Variants in HIP1R observed in about 807,000 individuals in gnomAD.
The protein encoded by HIP1R is huntingtin-interacting protein 1-related protein.
Under a neutral mutation model 144.2 loss-of-function variants are expected in HIP1R, and 135 were observed. That is an observed-to-expected ratio of 0.94 (90% CI 0.81 to 1.08). HIP1R has a LOEUF of 1.08. Among genes scored for constraint, HIP1R ranks in the 50% least tolerant of loss-of-function variants. The pLI is 0.00. For synonymous variants in HIP1R, 698 were observed against 612.8 expected (o/e 1.14, Z -2.05); for missense variants, 1,462 against 1,432.8 (o/e 1.02, Z -0.33).
chr12:122,850,787 T>TG (rs752289203), intron 5 of HIP1R, 48 bp from the exon 6 acceptor site: 32 of 1,018,634 alleles, frequency 3.1e-5, no homozygotes, highest in Admixed American at 1.0e-4. Context: ...CCGCCAGGTG[T>TG]GGGGGGGCCC....
At chr12:122,857,348 G>C (rs1263875015) in intron 18 of HIP1R, 133 bp downstream of exon 18, 1 of 860,872 alleles carries the variant, frequency 1.2e-6, no homozygotes, top group Non-Finnish European at 1.9e-6. Context: ...TTTTGTGTCC[G>C]GCTTCTTCAC....
At chr12:122,848,344 C>A in intron 2 of HIP1R, 122 bp from the exon 3 acceptor site, 1 of 1,259,014 alleles carries the variant, frequency 7.9e-7, no homozygotes, top group Non-Finnish European at 1.1e-6. Context: ...TCTGGTGACC[C>A]GGGGTTGATG....
In HIP1R at chr12:122,848,789, G is replaced by T. The variant is rs748006593; in HGVS notation, c.301-7G>T. On this transcript the variant is annotated splice_region_variant and splice_polypyrimidine_tract_variant and intron_variant, in intron 3 of 31. Transcript: ENST00000253083. ...ACTCCCCCACTCCCGTATTCCCTGCGCTGCAGGTGCTGCATGACTGCCAGC... is the reference window on the plus strand; with the variant it reads ...ACTCCCCCACTCCCGTATTCCCTGCTCTGCAGGTGCTGCATGACTGCCAGC... 1.2e-6 allele frequency: 2 copies of T among 1,613,048 alleles called. No homozygotes were observed. Among genetic ancestry groups the T allele is most frequent in the Non-Finnish European group, 1.7e-6 (2 of 1,179,976 alleles).
chr12:122,851,524 CCT>C (rs1566107263), intron 7 of HIP1R, among the ~76,000 whole-genome samples: 1 of 151,854 alleles, frequency 6.6e-6, no homozygotes, highest in Admixed American at 6.6e-5. Context: ...ATGGTGAAAC[CCT>C]GTCTCTACTA....
At chr12:122,846,969 G>A (rs1045890357) in intron 1 of HIP1R, among the ~76,000 whole-genome samples, 6 of 152,372 alleles carry the variant, frequency 3.9e-5, no homozygotes, top group Non-Finnish European at 8.8e-5. Context: ...TGTCCTGCAA[G>A]CCGGCTCCCT....
rs1375045500 is a variant in HIP1R at position 122,855,984 on chromosome 12, A to G, written c.1133A>G (p.Gln378Arg). The change falls in exon 14 of 32, where the codon CAG (glutamine) becomes CGG (arginine). Residue 378 changes from glutamine (Q) to arginine (R), a missense_variant. By Grantham distance (43) the Gln-to-Arg change is conservative. Coordinates refer to ENST00000253083, the MANE Select transcript of HIP1R (RefSeq NM_003959.3). ...SELEKIKLEA[Q>R]RYIAQLKSQV... ...ACGTCACACCTCCTCCCGCAGGCCCAGCGGTACATCGCGCAGCTGAAGAGC... is the reference window on the plus strand; with the variant it reads ...ACGTCACACCTCCTCCCGCAGGCCCGGCGGTACATCGCGCAGCTGAAGAGC... The G allele has an allele frequency of 1.9e-6, 3 of 1,586,728 alleles. No individual in the cohort carries two copies. The highest frequency in any genetic ancestry group is 1.7e-6 in the Non-Finnish European group (2 of 1,167,070).
chr12:122,855,218 G>C, intron 10 of HIP1R, 47 bp from the exon 11 acceptor site: 1 of 1,610,968 alleles, frequency 6.2e-7, no homozygotes, highest in Non-Finnish European at 8.5e-7. Context: ...CGGAAGGAGG[G>C]CTTGCTTAGG....
At chr12:122,851,170 C>G in intron 6 of HIP1R, 66 bp from the exon 7 acceptor site, 7 of 1,375,290 alleles carry the variant, frequency 5.1e-6, no homozygotes, top group Non-Finnish European at 6.8e-6. Flanking sequence ...CTGGAGGGGG[C>G]GTCTCAGGAC....
rs561368690 is a variant in HIP1R, at chr12:122,855,139, C to T, written c.852+11C>T. 1.2e-5 allele frequency: 20 copies of T among 1,613,350 alleles called. No homozygotes were observed. The East Asian group carries it at 3.1e-4, about 25-fold the overall frequency. The stretch of plus-strand genomic sequence containing the variant: ...CCCCGGCTGCCCGAGGTACCACCCC[C>T]AAGAGGGCCCCGAGGCCCTTTGAGG... On this transcript the variant is annotated intron_variant, in intron 10 of 31. Transcript: ENST00000253083.
Position 122,860,065 on chromosome 12 carries a change from A to AG in HIP1R, c.2485dup (p.Asp829GlyfsTer15). 6.4e-7 allele frequency: 1 copy of AG among 1,572,020 alleles called. No homozygotes were observed. The highest frequency in any genetic ancestry group is 8.6e-7 in the Non-Finnish European group (1 of 1,159,356). ...CCCCCAGGATCCTCAACTCCTGCAC[A>AG]GACCTGATGAAGGTGAGGGGCTGTG... On this transcript the variant is annotated frameshift_variant, in exon 25 of 32. Coordinates refer to ENST00000253083, the MANE Select transcript of HIP1R (RefSeq NM_003959.3). LOFTEE classifies it high-confidence loss of function.
chr12:122,855,882 A>C lies in HIP1R; in HGVS notation c.1107A>C (p.Glu369Asp). ...LKREVEMLRS[E>D]LEKIKLEAQR... is the part of the protein sequence containing the mutation. ...GAGAGGTGGAAATGCTCCGCTCTGA[A>C]CTGGAGAAGATCAAGCTGGAGGTGC... Residue 369 changes from glutamate (E) to aspartate (D), a missense_variant, in exon 13 of 32, where the codon GAA becomes GAC. Transcript: ENST00000253083. The C allele has an allele frequency of 6.6e-7, 1 of 1,513,196 alleles. No individual in the cohort carries two copies. Among genetic ancestry groups the C allele is most frequent in the African/African-American group, 1.4e-5 (1 of 70,888 alleles). 93.7% of individuals were successfully genotyped at this position (1,513,196 alleles called of 1,614,324 possible).
intron 18 of HIP1R, 172 bp downstream of exon 18, chr12:122,857,387 A>G: frequency 4.5e-6 from 3 of 670,366 alleles, no homozygotes; most frequent in African/African-American, 1.8e-5. Flanking sequence ...GGGTCACCAC[A>G]TCATAGCCTG....
intron 8 of HIP1R, 76 bp downstream of exon 8, chr12:122,854,259 A>T: frequency 1.5e-6 from 2 of 1,368,970 alleles, no homozygotes; most frequent in South Asian, 1.5e-5. Flanking sequence ...AAAAAGGAAA[A>T]TCGAAAAATT....
intron 1 of HIP1R, among the ~76,000 whole-genome samples, chr12:122,843,561 C>T (rs1052359526): frequency 3.3e-5 from 5 of 152,208 alleles, no homozygotes; most frequent in Non-Finnish European, 7.3e-5. Context: ...CCTCACCTGC[C>T]CCCTGGGCCC....
chr12:122,842,486 T>G (rs2033083827), intron 1 of HIP1R, among the ~76,000 whole-genome samples: 1 of 152,214 alleles, frequency 6.6e-6, no homozygotes, highest in Admixed American at 6.5e-5. Context: ...AGTGGGGATT[T>G]GCTGACAGCC....
intron 30 of HIP1R, 33 bp downstream of exon 30, chr12:122,861,225 G>A: frequency 6.2e-7 from 1 of 1,613,072 alleles, no homozygotes; most frequent in Non-Finnish European, 8.5e-7. Context: ...TGACCTCTGA[G>A]CTCATCCCTC....
intron 24 of HIP1R, 55 bp downstream of exon 24, chr12:122,859,885 C>G: frequency 6.4e-7 from 1 of 1,562,458 alleles, no homozygotes; most frequent in Non-Finnish European, 8.8e-7. Flanking sequence ...CCCGTGGCCC[C>G]TAAGGTTCTG....
rs1566112563 is a variant in HIP1R, at chr12:122,857,133, G to GC, written c.1734dup (p.Glu579ArgfsTer217). The stretch of plus-strand genomic sequence containing the variant: ...CTGCTGGCGGCGCAGAGCCTGGTGC[G>GC]CGAGACAGAGGCGGCGCTGAGCCGG... On this transcript the variant is annotated frameshift_variant, in exon 18 of 32. Transcript: ENST00000253083. LOFTEE classifies it high-confidence loss of function. The GC allele has an allele frequency of 6.4e-7, 1 of 1,550,490 alleles. No homozygotes were observed. The highest frequency in any genetic ancestry group is 2.0e-5 in the Admixed American group (1 of 51,008).
intron 1 of HIP1R, among the ~76,000 whole-genome samples, chr12:122,837,584 G>A (rs2032943777): frequency 6.6e-6 from 1 of 152,182 alleles, no homozygotes; most frequent in African/African-American, 2.4e-5. Flanking sequence ...TCGGCCTCCC[G>A]AGATGTTGGG....
Sources: gnomAD v4.1 joint callset for allele counts (sites outside exome capture counted in the v4.1 genomes callset) on GRCh38, gnomAD v4.1.1 for gene constraint, MANE v1.5 for transcripts, NCBI Gene and HGNC (gene_info 2026-07-23, HGNC 2026-07-21) for gene names.